ACBD5: variants seen among roughly 807,000 people sequenced by gnomAD.
The protein encoded by ACBD5 is acyl-CoA binding domain containing 5, also known as acyl-CoA-binding domain-containing protein 5.
Under a neutral mutation model 71.8 loss-of-function variants are expected in ACBD5, and 40 were observed. The ratio of observed to expected loss-of-function variants is 0.56; its 90% confidence interval spans 0.43 to 0.72. The LOEUF is 0.72. ACBD5 is among the 30% of genes least tolerant of loss of function. The pLI is 0.00. For missense variants in ACBD5, 559 were observed against 644.5 expected (o/e 0.87, Z 1.44); for synonymous variants, 229 against 218.6 (o/e 1.05, Z -0.42).
At chr10:27,224,556 T>C (rs747876604) in intron 4 of ACBD5, among the ~76,000 whole-genome samples, 8 of 152,212 alleles carry the variant, frequency 5.3e-5, no homozygotes, top group African/African-American at 7.2e-5. Flanking sequence ...TTCATAAATA[T>C]GGGCCAATTT....
chr10:27,210,993 C>A lies in ACBD5; in HGVS notation c.1025G>T (p.Arg342Leu). 1.9e-6 allele frequency: 3 copies of A among 1,614,056 alleles called. No individual in the cohort carries two copies. The highest frequency in any genetic ancestry group is 2.5e-6 in the Non-Finnish European group (3 of 1,180,030). ...SSQPMENSGF[R>L]EDIQVPPGNG... Reference sequence around the variant, plus strand: ...TCCAGGAGGTACTTGAATATCTTCACGAAATCCAGAATTTTCCATGGGTTG... The same window carrying A: ...TCCAGGAGGTACTTGAATATCTTCAAGAAATCCAGAATTTTCCATGGGTTG... Residue 342 changes from arginine to leucine, a missense_variant, in exon 9 of 13, where the codon CGT becomes CTT. By Grantham distance (102) the Arg-to-Leu change is moderately radical. Coordinates refer to ENST00000396271, the MANE Select transcript of ACBD5 (RefSeq NM_145698.5).
chr10:27,193,035 A>G (rs1225004382), downstream of ACBD5, among the ~76,000 whole-genome samples: 2 of 148,444 alleles, frequency 1.3e-5, no homozygotes, highest in Non-Finnish European at 3.0e-5. Context: ...AAATTTCTCT[A>G]TTTCTCTTTT....
At chr10:27,208,121 C>G in intron 10 of ACBD5, 125 bp downstream of exon 10, 1 of 1,004,716 alleles carries the variant, frequency 1.0e-6, no homozygotes, top group Non-Finnish European at 1.5e-6. Context: ...ATTTTCAAAA[C>G]CAAGTTCTAT....
chr10:27,222,733 G>A (rs531442203), intron 5 of ACBD5, among the ~76,000 whole-genome samples: 2 of 150,584 alleles, frequency 1.3e-5, no homozygotes, highest in East Asian at 3.9e-4. Flanking sequence ...ACCATGCCTG[G>A]CTAATTTTTG....
At chr10:27,205,853 T>C (rs1383629244) in intron 10 of ACBD5, among the ~76,000 whole-genome samples, 2 of 152,048 alleles carry the variant, frequency 1.3e-5, no homozygotes, top group Non-Finnish European at 2.9e-5. Context: ...CTATGAGTCA[T>C]CCAAGTGAAT....
At chr10:27,218,794 C>T (rs1315627078) in intron 6 of ACBD5, among the ~76,000 whole-genome samples, 1 of 151,984 alleles carries the variant, frequency 6.6e-6, no homozygotes, top group Non-Finnish European at 1.5e-5. Context: ...CCATGTTGGT[C>T]AGGCTGGTCT....
chr10:27,223,445 T>A lies in ACBD5; in HGVS notation c.383A>T (p.Glu128Val). The change falls in exon 5 of 13, where the codon GAA becomes GTA. Residue 128 changes from glutamate to valine, a missense_variant. Physicochemically the swap from Glu to Val is moderately radical, Grantham distance 121. Transcript: ENST00000396271. The part of the protein sequence containing the change: ...AYVEEMKKII[E>V]TMPMTEKVEE... ...AACTTTCTCAGTCATTGGCATAGTT[T>A]CAATAATCTGTAATCAAAAGAAACA... 1 of 1,610,538 alleles carries A rather than the reference T, an allele frequency of 6.2e-7. No individual in the cohort carries two copies. Among genetic ancestry groups the A allele is most frequent in the Non-Finnish European group, 8.5e-7 (1 of 1,177,722 alleles).
chr10:27,218,247 T>C (rs2061898655), intron 6 of ACBD5, 64 bp from the exon 7 acceptor site: 1 of 1,267,640 alleles, frequency 7.9e-7, no homozygotes, highest in African/African-American at 1.5e-5. Context: ...GCATACCATG[T>C]TTTAATATCC....
chr10:27,217,516 C>T (rs954910270), intron 7 of ACBD5, among the ~76,000 whole-genome samples: 4 of 150,782 alleles, frequency 2.7e-5, no homozygotes, highest in African/African-American at 7.3e-5. Flanking sequence ...TATTATGTAT[C>T]CCTAAAAATT....
intron 4 of ACBD5, among the ~76,000 whole-genome samples, chr10:27,224,012 A>G (rs1029684694): frequency 1.3e-5 from 2 of 152,134 alleles, no homozygotes; most frequent in African/African-American, 2.4e-5. Flanking sequence ...CTCATTTTGA[A>G]GATTATTTTA....
intron 2 of ACBD5, among the ~76,000 whole-genome samples, chr10:27,238,372 A>T (rs943944945): frequency 3.9e-5 from 6 of 152,250 alleles, no homozygotes; most frequent in African/African-American, 1.4e-4. Flanking sequence ...CATAATGTCA[A>T]CAGGCATAGT....
intron 13 of ACBD5, chr10:27,186,714 A>C (rs2058775752): frequency 1.6e-6 from 1 of 625,886 alleles, no homozygotes; most frequent in African/African-American, 1.8e-5. Flanking sequence ...TATAGTCAGT[A>C]ATTTATCTTA....
At position 27,195,328 on chromosome 10, in the gene ACBD5, C is replaced by A. The variant is rs774478514; in HGVS notation, c.*2102G>T. The A allele has an allele frequency of 2.2e-6, 1 of 451,772 alleles. No individual in the cohort carries two copies. The allele number at this position is 451,772 out of a possible 1,614,324, so 28.0% of individuals were successfully genotyped here. On this transcript the variant is annotated 3_prime_UTR_variant, in exon 13 of 13. Transcript: ENST00000396271. ...TAAATGAGGTTCTTATTAAACAAAGCAGGAACACTATATCCTATAATTACA... is the reference window on the plus strand; with the variant it reads ...TAAATGAGGTTCTTATTAAACAAAGAAGGAACACTATATCCTATAATTACA...
chr10:27,241,168 C>T (rs1024309849), upstream of ACBD5, among the ~76,000 whole-genome samples: 27 of 152,304 alleles, frequency 1.8e-4, no homozygotes, highest in African/African-American at 6.0e-4. Flanking sequence ...TCTGCGGTCC[C>T]CAGCGCCTGC....
chr10:27,191,699 C>T (rs956946092), downstream of ACBD5, among the ~76,000 whole-genome samples: 2 of 152,128 alleles, frequency 1.3e-5, no homozygotes, highest in African/African-American at 2.4e-5. Context: ...GCCTGGCCAA[C>T]ATGGTGAAAC....
At chr10:27,201,446 A>G (rs564749660) in intron 12 of ACBD5, among the ~76,000 whole-genome samples, 1 of 152,078 alleles carries the variant, frequency 6.6e-6, no homozygotes, top group Non-Finnish European at 1.5e-5. Flanking sequence ...TCTACGCTAG[A>G]AAAAAAACCA....
intron 4 of ACBD5, among the ~76,000 whole-genome samples, chr10:27,229,588 T>A (rs1374347945): frequency 6.6e-6 from 1 of 152,056 alleles, no homozygotes; most frequent in Non-Finnish European, 1.5e-5. Flanking sequence ...AAGGAGGTAA[T>A]TTAACAAGTG....
At position 27,223,537 on chromosome 10, in the gene ACBD5, T is replaced by G. The variant is rs554344494; in HGVS notation, c.376-85A>C. 3.0e-5 allele frequency: 30 copies of G among 986,340 alleles called. No individual in the cohort carries two copies. In the South Asian group the frequency reaches 3.7e-4, roughly 12 times the overall value. The allele number at this position is 986,340 out of a possible 1,614,324, so 61.1% of individuals were successfully genotyped here. On this transcript the variant is annotated intron_variant, in intron 4 of 12. Transcript: ENST00000396271. ...TATCAAATAATCTCCTATTTCCAAT[T>G]TGTCAATAATTTTAATATTTGACAT...
At chr10:27,195,198 AG>A (rs2059276260), downstream of ACBD5, 1 of 374,950 alleles carries the variant, frequency 2.7e-6, no homozygotes, top group Non-Finnish European at 5.1e-6. Flanking sequence ...AATAGTAACA[AG>A]TAATAAAAGC....
Sources: allele counts gnomAD v4.1 joint callset (sites outside exome capture counted in the v4.1 genomes callset), GRCh38; gene constraint gnomAD v4.1.1; transcripts MANE v1.5; gene names NCBI Gene and HGNC (gene_info 2026-07-23, HGNC 2026-07-21).